The following ACTN2 variants were observed in gnomAD, a reference collection of about 807,000 sequenced individuals.
ACTN2 encodes actinin alpha 2.
ACTN2 carries 39 observed loss-of-function variants against 113.8 expected under a neutral mutation model. The ratio of observed to expected loss-of-function variants is 0.34; its 90% CI spans 0.27 to 0.45. ACTN2 has a LOEUF of 0.45. Among genes scored for constraint, ACTN2 ranks in the 20% least tolerant of loss-of-function variants. The pLI is 1.00. For missense variants in ACTN2, 992 were observed against 1,177.9 expected (o/e 0.84, Z 2.31); for synonymous variants, 429 against 444.1 (o/e 0.97, Z 0.43).
intron 4 of ACTN2, among the ~76,000 whole-genome samples, chr1:236,720,687 C>T (rs1366299560): frequency 1.3e-5 from 2 of 152,078 alleles, no homozygotes; most frequent in African/African-American, 4.8e-5. Context: ...ACTGTTTCAT[C>T]ATTATCATAG....
chr1:236,739,609 G>A (rs1222196402), intron 10 of ACTN2, 77 bp downstream of exon 10: 2 of 1,516,854 alleles, frequency 1.3e-6, no homozygotes, highest in Non-Finnish European at 1.8e-6. Context: ...ACCTGGGTCA[G>A]GAGGAGGCAT....
chr1:236,754,215 C>T lies in ACTN2; in HGVS notation c.1974+134C>T, dbSNP rs1659485829. On this transcript the variant is annotated intron_variant, in intron 16 of 20. Coordinates refer to ENST00000366578, the MANE Select transcript of ACTN2 (RefSeq NM_001103.4). The surrounding 1 kb of genome is among the most constrained non-coding windows in gnomAD (Gnocchi z 4.9). ...GGTGGGAGCACCGTTCTGTTATCAC[C>T]CCGGCTTTATCTTTCAGCCCCTGGC... 5 of 1,219,930 alleles carry T rather than the reference C, an allele frequency of 4.1e-6. No individual in the cohort carries two copies. In the South Asian group the frequency reaches 5.0e-5, roughly 12 times the overall value. The allele number at this position is 1,219,930 out of a possible 1,614,324, so 75.6% of individuals were successfully genotyped here.
Position 236,762,796 on chromosome 1 carries a change from C to T in ACTN2, c.*177C>T. 1.3e-6 allele frequency: 1 copy of T among 750,816 alleles called. No homozygotes were observed. Among genetic ancestry groups the T allele is most frequent in the Non-Finnish European group, 2.2e-6 (1 of 447,478 alleles). 46.5% of individuals were successfully genotyped at this position (750,816 alleles called of 1,614,324 possible). A position where few individuals can be genotyped will look rare whatever the true frequency, so the allele number is the denominator to read the frequency against. On this transcript the variant is annotated 3_prime_UTR_variant, in exon 21 of 21. Transcript: ENST00000366578. ...TAACACGGCTAAAATGAAGTTTTTA[C>T]AGTATATGACATAGTGCGCTTCATA...
In ACTN2 at chr1:236,686,570, C is replaced by A. The variant is rs886046202; in HGVS notation, c.-104C>A. ...GAGAGGAGCCGCGCGAAGGTCACCC[C>A]GCGCCCGCCGCCCGCCGCCCGCCGC... is the stretch of plus-strand genomic sequence containing the variant. On this transcript the variant is annotated 5_prime_UTR_variant, in exon 1 of 21. Coordinates refer to ENST00000366578, the MANE Select transcript of ACTN2 (RefSeq NM_001103.4). The A allele has an allele frequency of 5.4e-6, 7 of 1,303,988 alleles. No homozygotes were observed. Among genetic ancestry groups the A allele is most frequent in the South Asian group, 2.0e-5 (1 of 50,056 alleles). 80.8% of individuals were successfully genotyped at this position (1,303,988 alleles called of 1,614,324 possible).
At chr1:236,745,230 C>G (rs888407310) in intron 12 of ACTN2, among the ~76,000 whole-genome samples, 1 of 151,904 alleles carries the variant, frequency 6.6e-6, no homozygotes, top group Non-Finnish European at 1.5e-5. Context: ...GTCAGGAGAT[C>G]GAGACCATCC....
At position 236,733,546 on chromosome 1, in the gene ACTN2, C is replaced by A. The variant is rs148703012; in HGVS notation, c.698-2089C>A. ...TTAATGGTTCAGAAGAATGCTCACA[C>A]GCTGTATTATTATCTTTACAGAATA... On this transcript the variant is annotated intron_variant, in intron 7 of 20. Coordinates refer to ENST00000366578, the MANE Select transcript of ACTN2 (RefSeq NM_001103.4). 2.6e-4 allele frequency among the ~76,000 whole-genome samples: 39 copies of A among 152,324 alleles called. No individual in the cohort carries two copies. In the East Asian group the frequency reaches 6.7e-3, roughly 26 times the overall value.
chr1:236,758,994 T>C (rs1278803103), intron 18 of ACTN2, among the ~76,000 whole-genome samples: 1 of 152,224 alleles, frequency 6.6e-6, no homozygotes. Flanking sequence ...GATTTGCAAA[T>C]GTCCATCAGT....
intron 5 of ACTN2, 37 bp from the exon 6 acceptor site, chr1:236,727,641 C>G: frequency 1.2e-6 from 2 of 1,609,680 alleles, no homozygotes; most frequent in Non-Finnish European, 1.7e-6. Context: ...TTTCTCTCCA[C>G]TAACACGTGT....
intron 1 of ACTN2, among the ~76,000 whole-genome samples, chr1:236,709,294 ATATG>A: frequency 7.0e-6 from 1 of 142,404 alleles, no homozygotes; most frequent in Non-Finnish European, 1.5e-5. Context: ...ATATATGTAT[ATATG>A]TATATATACG....
At chr1:236,698,713 A>G (rs918594970) in intron 1 of ACTN2, among the ~76,000 whole-genome samples, 1 of 152,242 alleles carries the variant, frequency 6.6e-6, no homozygotes, top group Non-Finnish European at 1.5e-5. Context: ...AGTAAAAGTG[A>G]TAATATGTGG....
chr1:236,720,195 A>G lies in ACTN2; in HGVS notation c.448+4A>G. Reference sequence around the variant, plus strand: ...ATTCAGGATATTTCGGTTGAAGGTAAAAGACATGGTTAAAAGTCTAATTGT... The same window carrying G: ...ATTCAGGATATTTCGGTTGAAGGTAGAAGACATGGTTAAAAGTCTAATTGT... On this transcript the variant is annotated splice_donor_region_variant and intron_variant, in intron 4 of 20. Coordinates refer to ENST00000366578, the MANE Select transcript of ACTN2 (RefSeq NM_001103.4). The G allele has an allele frequency of 6.2e-7, 1 of 1,605,474 alleles. No homozygotes were observed. The highest frequency in any genetic ancestry group is 1.1e-5 in the South Asian group (1 of 90,874).
intron 18 of ACTN2, 50 bp downstream of exon 18, chr1:236,757,682 G>T (rs188794099): frequency 1.2e-6 from 2 of 1,607,268 alleles, no homozygotes; most frequent in Non-Finnish European, 1.7e-6. Flanking sequence ...ATTAAACAAT[G>T]TATCTGAAAT....
chr1:236,688,518 T>C (rs1572088351), intron 1 of ACTN2, among the ~76,000 whole-genome samples: 2 of 152,188 alleles, frequency 1.3e-5, no homozygotes, highest in Non-Finnish European at 2.9e-5. Flanking sequence ...TTCTTTTAGG[T>C]TTGGGATTCC....
intron 14 of ACTN2, among the ~76,000 whole-genome samples, chr1:236,749,816 AACAACG>A (rs1190787605): frequency 5.5e-4 from 83 of 152,274 alleles, no homozygotes; most frequent in Middle Eastern, 6.8e-3. Context: ...CAACAACAAC[AACAACG>A]ACAACTACAA....
chr1:236,735,243 C>G (rs1054256434), intron 7 of ACTN2, among the ~76,000 whole-genome samples: 5 of 152,162 alleles, frequency 3.3e-5, no homozygotes, highest in Non-Finnish European at 7.3e-5. Context: ...GCAAAGTGAC[C>G]TGCGTTCCCC....
intron 10 of ACTN2, among the ~76,000 whole-genome samples, chr1:236,740,699 A>G (rs2102924380): frequency 6.6e-6 from 1 of 151,634 alleles, no homozygotes; most frequent in South Asian, 2.1e-4. Context: ...CGGCCAGCTA[A>G]TTTTTGTAAT....
chr1:236,750,120 T>C (rs560328524), intron 14 of ACTN2, among the ~76,000 whole-genome samples: 7 of 152,218 alleles, frequency 4.6e-5, no homozygotes, highest in Non-Finnish European at 1.0e-4. Flanking sequence ...GGAGGAAAGT[T>C]AATCTCGGTT....
At position 236,751,681 on chromosome 1, in the gene ACTN2, C is replaced by T. The variant is rs370230186; in HGVS notation, c.1839+29C>T. The stretch of plus-strand genomic sequence containing the variant: ...GGTGGCTGAGGGCCTGGTGTGGGAC[C>T]AGGGGGCATTCTTGAAGCTGACGTC... On this transcript the variant is annotated intron_variant, in intron 15 of 20. Transcript: ENST00000366578. The T allele has an allele frequency of 3.5e-5, 56 of 1,613,436 alleles. No homozygotes were observed. In the African/African-American group the frequency reaches 7.5e-4, roughly 22 times the overall value.
intron 4 of ACTN2, 134 bp from the exon 5 acceptor site, chr1:236,725,799 T>C (rs1658532083): frequency 1.1e-5 from 9 of 796,542 alleles, no homozygotes; most frequent in East Asian, 2.4e-5. Context: ...CTGGCTCCTA[T>C]GCACTTGCCG....
Sources: allele counts gnomAD v4.1 joint callset (sites outside exome capture counted in the v4.1 genomes callset), GRCh38; gene constraint gnomAD v4.1.1; non-coding constraint Gnocchi (gnomAD v3.1); transcripts MANE v1.5; gene names NCBI Gene and HGNC (gene_info 2026-07-23, HGNC 2026-07-21).